Variants in ANKRD12 observed in about 807,000 individuals in gnomAD.
ANKRD12 encodes ankyrin repeat domain 12, also known as ankyrin repeat domain-containing protein 12.
ANKRD12 carries 85 observed loss-of-function variants against 183.4 expected under a neutral mutation model. The ratio of observed to expected loss-of-function variants is 0.46; its 90% confidence interval spans 0.39 to 0.56. The LOEUF (loss-of-function observed/expected upper bound fraction) is 0.56, where lower values mean the gene tolerates loss of function less well. Among genes scored for constraint, ANKRD12 ranks in the 20% least tolerant of loss-of-function variants. The pLI is 0.00. For missense variants in ANKRD12, 2,405 were observed against 2,357.1 expected (o/e 1.02, Z -0.42); for synonymous variants, 914 against 800.2 (o/e 1.14, Z -2.40).
chr18:9,243,181 A>G (rs2037758807), intron 8 of ANKRD12, among the ~76,000 whole-genome samples: 1 of 152,194 alleles, frequency 6.6e-6, no homozygotes. Context: ...TCTTGAATAC[A>G]TTAGTTTTAG....
chr18:9,166,162 A>G lies in ANKRD12; in HGVS notation c.-51-16220A>G, dbSNP rs573040737. Among the ~76,000 whole-genome samples the G allele has an allele frequency of 2.0e-5, 3 of 152,254 alleles. No homozygotes were observed. The East Asian group carries it at 5.8e-4, about 29-fold the overall frequency. ...TGGTTCCAAGTCTTTGCTGTTGTGA[A>G]TAGTGCCGCAATAAACATACGTGTG... On this transcript the variant is annotated intron_variant, in intron 1 of 12. Coordinates refer to ENST00000262126, the MANE Select transcript of ANKRD12 (RefSeq NM_015208.5).
At position 9,285,172 on chromosome 18, in the gene ANKRD12, G is replaced by C. The variant is rs1160132015; in HGVS notation, c.*4046G>C. 2 of 150,128 alleles carry C rather than the reference G, an allele frequency of 1.3e-5. No individual in the cohort carries two copies. The highest frequency in any genetic ancestry group is 4.2e-4 in the South Asian group (2 of 4,794). 9.3% of individuals were successfully genotyped at this position (150,128 alleles called of 1,614,324 possible). On this transcript the variant is annotated 3_prime_UTR_variant, in exon 13 of 13. Coordinates refer to ENST00000262126, the MANE Select transcript of ANKRD12 (RefSeq NM_015208.5). ...TGCAGTGAGCCGAGATCGTGCCACT[G>C]CACTCCAGCCTGGGCGACAGAGCGA...
At chr18:9,148,956 G>A (rs1460232978) in intron 1 of ANKRD12, among the ~76,000 whole-genome samples, 2 of 151,954 alleles carry the variant, frequency 1.3e-5, no homozygotes, top group African/African-American at 4.8e-5. Flanking sequence ...TTCCTTCATT[G>A]TGGTCTGCTT....
intron 1 of ANKRD12, among the ~76,000 whole-genome samples, chr18:9,146,634 A>T (rs1034418409): frequency 6.6e-6 from 1 of 152,240 alleles, no homozygotes. Flanking sequence ...ATTAGAATAC[A>T]GTGAAATTAC....
intron 8 of ANKRD12, 144 bp from the exon 9 acceptor site, chr18:9,254,067 T>G: frequency 1.0e-6 from 1 of 986,888 alleles, no homozygotes; most frequent in Non-Finnish European, 1.3e-6. Context: ...TGCTATTACA[T>G]TATTTCCATA....
At chr18:9,213,553 G>A (rs960114863) in intron 6 of ANKRD12, among the ~76,000 whole-genome samples, 8 of 151,854 alleles carry the variant, frequency 5.3e-5, no homozygotes, top group Non-Finnish European at 1.0e-4. Flanking sequence ...ATACTATGTT[G>A]TAGAAAAGTA....
At chr18:9,144,389 G>A (rs2078424197) in intron 1 of ANKRD12, among the ~76,000 whole-genome samples, 1 of 152,140 alleles carries the variant, frequency 6.6e-6, no homozygotes, top group African/African-American at 2.4e-5. Context: ...AATAGGCTCT[G>A]TCCAAAGTAC....
intron 2 of ANKRD12, among the ~76,000 whole-genome samples, chr18:9,192,973 T>G (rs1363570606): frequency 6.6e-6 from 1 of 151,830 alleles, no homozygotes; most frequent in African/African-American, 2.4e-5. Context: ...TTTTAGCCAC[T>G]GCACCCAGCC....
intron 8 of ANKRD12, among the ~76,000 whole-genome samples, chr18:9,252,849 A>G (rs1161205550): frequency 6.6e-6 from 1 of 152,206 alleles, no homozygotes; most frequent in Non-Finnish European, 1.5e-5. Flanking sequence ...ATGTTTATAT[A>G]ATTAAATCCT....
In ANKRD12 at chr18:9,257,968, C is replaced by T. The variant is rs749512401; in HGVS notation, c.4701C>T (p.Ser1567=). 3 of 1,613,874 alleles carry T rather than the reference C, an allele frequency of 1.9e-6. No homozygotes were observed. Among genetic ancestry groups the T allele is most frequent in the Non-Finnish European group, 2.5e-6 (3 of 1,179,948 alleles). Reference sequence around the variant, plus strand: ...CCTTTGTCCCAGTGTACTCTGACAGCACTATTCAAGAAGCATCACCAAACT... The same window carrying T: ...CCTTTGTCCCAGTGTACTCTGACAGTACTATTCAAGAAGCATCACCAAACT... ...TDAFVPVYSD[S]TIQEASPNFE... The change falls in exon 9 of 13, where the codon AGC becomes AGT. Residue 1567 remains serine (S), a synonymous_variant. Coordinates refer to ENST00000262126, the MANE Select transcript of ANKRD12 (RefSeq NM_015208.5).
chr18:9,178,122 T>C (rs1246182269), intron 1 of ANKRD12, among the ~76,000 whole-genome samples: 2 of 152,224 alleles, frequency 1.3e-5, no homozygotes, highest in Non-Finnish European at 2.9e-5. Context: ...AGCAGAAGTT[T>C]TTGTGAAGTC....
At chr18:9,151,847 T>C (rs886410319) in intron 1 of ANKRD12, among the ~76,000 whole-genome samples, 1 of 152,228 alleles carries the variant, frequency 6.6e-6, no homozygotes, top group Non-Finnish European at 1.5e-5. Flanking sequence ...CTGGGGTCTG[T>C]GCTAAGGTAT....
At chr18:9,139,035 A>G (rs888578634) in intron 1 of ANKRD12, among the ~76,000 whole-genome samples, 1 of 152,230 alleles carries the variant, frequency 6.6e-6, no homozygotes, top group African/African-American at 2.4e-5. Flanking sequence ...TCATAATCTC[A>G]TAATTTTCAT....
chr18:9,170,720 C>G (rs185966256), intron 1 of ANKRD12, among the ~76,000 whole-genome samples: 83 of 152,032 alleles, frequency 5.5e-4, no homozygotes, highest in African/African-American at 1.9e-3. Context: ...AAGTCATTCT[C>G]CCTCCAGCTT....
chr18:9,279,082 TA>T (rs1568011275), intron 11 of ANKRD12, among the ~76,000 whole-genome samples: 51 of 151,834 alleles, frequency 3.4e-4, no homozygotes, highest in Non-Finnish European at 6.0e-4. Flanking sequence ...TAAGTGTTGA[TA>T]AAGAATTTCT....
chr18:9,205,645 A>C (rs1038597215), intron 4 of ANKRD12, among the ~76,000 whole-genome samples: 19 of 152,148 alleles, frequency 1.2e-4, no homozygotes, highest in South Asian at 8.3e-4. Flanking sequence ...TATGTATATG[A>C]AGCCATCCAT....
chr18:9,205,072 C>G (rs1229172685), intron 4 of ANKRD12, among the ~76,000 whole-genome samples: 1 of 152,104 alleles, frequency 6.6e-6, no homozygotes, highest in Non-Finnish European at 1.5e-5. Context: ...AATTAAAATA[C>G]CAGGTTACCT....
intron 1 of ANKRD12, among the ~76,000 whole-genome samples, chr18:9,168,505 A>G (rs985094261): frequency 3.3e-5 from 5 of 152,024 alleles, no homozygotes; most frequent in Non-Finnish European, 4.4e-5. Context: ...GTTTATTTGT[A>G]TAGTGGTGTT....
Position 9,257,697 on chromosome 18 carries a change from C to T in ANKRD12, c.4430C>T (p.Ser1477Phe), listed in dbSNP as rs1349804524. ...CGCCAGACTGAACTGCCAGGAAACT[C>T]TTGTGCTCAGGATCCGGCATCCTTT... ...SLRQTELPGN[S>F]CAQDPASFMP... Residue 1477 changes from serine to phenylalanine, a missense_variant, in exon 9 of 13, where the codon TCT becomes TTT. Ser to Phe is a radical substitution (Grantham distance 155, BLOSUM62 -2). This residue lies in a region of ANKRD12 where 1,983 missense variants were observed against 1,725.9 expected (regional missense o/e 1.15). Coordinates refer to ENST00000262126, the MANE Select transcript of ANKRD12 (RefSeq NM_015208.5). 1.2e-6 allele frequency: 2 copies of T among 1,614,064 alleles called. No homozygotes were observed. The highest frequency in any genetic ancestry group is 2.2e-5 in the South Asian group (2 of 91,084).
Sources: gnomAD v4.1 joint callset for allele counts (sites outside exome capture counted in the v4.1 genomes callset) on GRCh38, gnomAD v4.1.1 for gene constraint, gnomAD v4.1.1 regional missense constraint, MANE v1.5 for transcripts, NCBI Gene and HGNC (gene_info 2026-07-23, HGNC 2026-07-21) for gene names.